The following ZNF600 variants were observed in gnomAD, a reference collection of about 807,000 sequenced individuals.
The protein encoded by ZNF600 is zinc finger protein KR-ZNF1.
Under a neutral mutation model 7.3 loss-of-function variants are expected in ZNF600, and 4 were observed. The observed-to-expected ratio is 0.55, with a 90% CI of 0.27 to 1.25. The LOEUF (loss-of-function observed/expected upper bound fraction) is 1.25, where lower values mean the gene tolerates loss of function less well. Among genes scored for constraint, ZNF600 ranks in the 50% most tolerant of loss-of-function variants. The probability of loss-of-function intolerance (pLI) is 0.12; values close to 1 mark genes in which losing one functional copy is unlikely to be tolerated. For synonymous variants in ZNF600, 290 were observed against 308.9 expected (o/e 0.94, Z 0.64); for missense variants, 911 against 922.1 (o/e 0.99, Z 0.16).
chr19:52,783,569 G>T (rs2062740839), intron 1 of ZNF600, among the ~76,000 whole-genome samples: 1 of 152,100 alleles, frequency 6.6e-6, no homozygotes, highest in Non-Finnish European at 1.5e-5. Flanking sequence ...CACCGTGTTA[G>T]CCAGGACGGT....
At chr19:52,813,509 G>A in the ZNF600 span, among the ~76,000 whole-genome samples, 147 of 122,732 alleles carry the variant, frequency 1.2e-3, 24 homozygotes, top group African/African-American at 5.1e-3. Flanking sequence ...TTTTTACCCA[G>A]GGCTCTGGAA....
At chr19:52,766,025 A>C (rs2062570525) in exon 4 of ZNF600, 2 of 1,613,670 alleles carry the variant, frequency 1.2e-6, no homozygotes, top group African/African-American at 1.3e-5. Flanking sequence ...ATTTCTCTCC[A>C]GTATGAAGTC....
chr19:52,821,797 T>A, the ZNF600 span: 1 of 152,098 alleles, frequency 6.6e-6, no homozygotes, highest in African/African-American at 2.4e-5. Context: ...CTCAGCCTCC[T>A]CCCAGGCCAT....
chr19:52,773,328 C>G (rs570827095), intron 3 of ZNF600, among the ~76,000 whole-genome samples: 1 of 152,160 alleles, frequency 6.6e-6, no homozygotes, highest in East Asian at 1.9e-4. Flanking sequence ...GGGCAAGGGA[C>G]AAGAATGAAA....
At chr19:52,801,868 G>A in the ZNF600 span, among the ~76,000 whole-genome samples, 235 of 152,166 alleles carry the variant, frequency 1.5e-3, 2 homozygotes, top group African/African-American at 5.3e-3. Flanking sequence ...AATAAAGGGC[G>A]ATTATATGTC....
chr19:52,778,473 T>C (rs2062694253), intron 2 of ZNF600, among the ~76,000 whole-genome samples: 1 of 152,194 alleles, frequency 6.6e-6, no homozygotes, highest in Non-Finnish European at 1.5e-5. Flanking sequence ...ATGTATTTCA[T>C]ATGTAGTTTC....
At chr19:52,798,000 T>C in the ZNF600 span, 1 of 152,446 alleles carries the variant, frequency 6.6e-6, no homozygotes, top group East Asian at 1.9e-4. Flanking sequence ...CATGCACCTG[T>C]AGTCCCAGCT....
At chr19:52,788,403 C>G (rs1438146211), upstream of ZNF600, among the ~76,000 whole-genome samples, 1 of 152,020 alleles carries the variant, frequency 6.6e-6, no homozygotes, top group African/African-American at 2.4e-5. Flanking sequence ...TAACATGAGT[C>G]TTTGGAAAAT....
At chr19:52,768,949 G>A (rs1163892490) in intron 3 of ZNF600, among the ~76,000 whole-genome samples, 6 of 152,126 alleles carry the variant, frequency 3.9e-5, no homozygotes, top group African/African-American at 1.4e-4. Context: ...AGAAAAGCCA[G>A]GCCATACAGA....
chr19:52,765,410 G>C, exon 4 of ZNF600: 1 of 1,040,470 alleles, frequency 9.6e-7, no homozygotes. Flanking sequence ...CCTTGCCACA[G>C]TCATGACATT....
chr19:52,827,242 CT>C, the ZNF600 span, among the ~76,000 whole-genome samples: 56 of 79,766 alleles, frequency 7.0e-4, no homozygotes, highest in Middle Eastern at 6.6e-3. Flanking sequence ...AACCCTGTCT[CT>C]AAAAACAAAA....
At chr19:52,829,348 A>C in the ZNF600 span, among the ~76,000 whole-genome samples, 1 of 147,562 alleles carries the variant, frequency 6.8e-6, no homozygotes, top group African/African-American at 2.5e-5. Flanking sequence ...TATCTCTCCC[A>C]ATGCTATCCC....
the ZNF600 span, chr19:52,810,631 AGTGGTT>A: frequency 7.1e-7 from 1 of 1,409,706 alleles, no homozygotes. Context: ...TCCATTCTAC[AGTGGTT>A]TTAACAGCAG....
the ZNF600 span, among the ~76,000 whole-genome samples, chr19:52,829,332 A>T: frequency 1.3e-5 from 2 of 151,590 alleles, no homozygotes; most frequent in African/African-American, 4.9e-5. Flanking sequence ...GTCATCTAGC[A>T]TTAGGTATCT....
chr19:52,771,206 T>G (rs2062627645), intron 3 of ZNF600, among the ~76,000 whole-genome samples: 1 of 152,198 alleles, frequency 6.6e-6, no homozygotes, highest in Non-Finnish European at 1.5e-5. Flanking sequence ...GTCAGGACAC[T>G]GCAGGAAGGT....
chr19:52,765,829 A>G (rs145055044), exon 4 of ZNF600: 8 of 1,613,656 alleles, frequency 5.0e-6, no homozygotes, highest in South Asian at 3.3e-5. Flanking sequence ...ACTTTGTCAC[A>G]TGTTTCACAT....
chr19:52,766,836 C>T (rs2062585068), exon 4 of ZNF600: 2 of 1,614,156 alleles, frequency 1.2e-6, no homozygotes, highest in East Asian at 4.5e-5. Flanking sequence ...AACTTTGTCA[C>T]ATTCTTCACA....
intron 3 of ZNF600, among the ~76,000 whole-genome samples, chr19:52,768,740 G>A (rs2062608933): frequency 6.6e-6 from 1 of 151,754 alleles, no homozygotes; most frequent in Admixed American, 6.6e-5. Flanking sequence ...GAGATGTGTG[G>A]GCAGCAAGCC....
At chr19:52,771,337 T>A (rs980494088) in intron 3 of ZNF600, among the ~76,000 whole-genome samples, 1 of 152,150 alleles carries the variant, frequency 6.6e-6, no homozygotes, top group African/African-American at 2.4e-5. Flanking sequence ...GCTTTCAAGT[T>A]TCAGCTATTT....
Sources: gnomAD v4.1 joint callset for allele counts (sites outside exome capture counted in the v4.1 genomes callset) on GRCh38, gnomAD v4.1.1 for gene constraint, MANE v1.5 for transcripts, NCBI Gene and HGNC (gene_info 2026-07-23, HGNC 2026-07-21) for gene names.